SLC25A21: variants seen among roughly 807,000 people sequenced by gnomAD.
The protein encoded by SLC25A21 is mitochondrial 2-oxodicarboxylate carrier.
A neutral mutation model predicts 43.8 loss-of-function variants in SLC25A21; 47 were observed. The observed-to-expected ratio is 1.07, with a 90% CI of 0.85 to 1.37. SLC25A21 has a LOEUF of 1.37. Among genes scored for constraint, SLC25A21 ranks in the 40% most tolerant of loss-of-function variants. The probability of loss-of-function intolerance (pLI) is 0.00; values close to 1 mark genes in which losing one functional copy is unlikely to be tolerated. For missense variants in SLC25A21, 352 were observed against 350.2 expected (o/e 1.00, Z -0.04); for synonymous variants, 131 against 121.3 (o/e 1.08, Z -0.52).
chr14:37,091,075 C>T, intron 1 of SLC25A21, among the ~76,000 whole-genome samples: 1 of 152,160 alleles, frequency 6.6e-6, no homozygotes. Flanking sequence ...GGCACTATAA[C>T]TCAAGCCTGA....
intron 1 of SLC25A21, among the ~76,000 whole-genome samples, chr14:36,915,623 C>T (rs1403808569): frequency 6.6e-6 from 1 of 152,192 alleles, no homozygotes; most frequent in Non-Finnish European, 1.5e-5. Context: ...GATACATGTG[C>T]CTTCCCCCAG....
chr14:37,089,391 C>T (rs1962542639), intron 1 of SLC25A21, among the ~76,000 whole-genome samples: 1 of 152,140 alleles, frequency 6.6e-6, no homozygotes, highest in African/African-American at 2.4e-5. Context: ...AGTTTAAGAC[C>T]ATGTCACCGT....
rs1273554060 is a variant in SLC25A21, at chr14:36,895,409, C to T, written c.71-20405G>A. ...ATATCCCCTTTATCATTTATTATTG[C>T]ATCTATTTGATTCTTCTCTCTTTTC... On this transcript the variant is annotated intron_variant, in intron 1 of 9. Transcript: ENST00000331299. 3.2e-3 allele frequency among the ~76,000 whole-genome samples: 491 copies of T among 152,036 alleles called. 4 individuals carry two copies. The highest frequency in any genetic ancestry group is 0.011 in the African/African-American group (446 of 41,450).
At chr14:36,821,827 C>G (rs1451801342) in intron 2 of SLC25A21, among the ~76,000 whole-genome samples, 1 of 151,988 alleles carries the variant, frequency 6.6e-6, no homozygotes, top group Non-Finnish European at 1.5e-5. Context: ...AAAAACAAAA[C>G]AAAACAAAAC....
At chr14:37,157,819 A>G (rs1048903701) in intron 1 of SLC25A21, among the ~76,000 whole-genome samples, 1 of 152,220 alleles carries the variant, frequency 6.6e-6, no homozygotes, top group Non-Finnish European at 1.5e-5. Flanking sequence ...TATTCAAAGG[A>G]TAAATAAAAT....
intron 1 of SLC25A21, among the ~76,000 whole-genome samples, chr14:37,157,391 T>A (rs1963869916): frequency 6.6e-6 from 1 of 151,978 alleles, no homozygotes; most frequent in African/African-American, 2.4e-5. Context: ...ATATCAAGTA[T>A]CTTCTCAGAC....
At chr14:36,778,991 C>T (rs865894731) in intron 3 of SLC25A21, among the ~76,000 whole-genome samples, 5 of 151,852 alleles carry the variant, frequency 3.3e-5, no homozygotes, top group African/African-American at 9.7e-5. Flanking sequence ...CAATACTAAT[C>T]CCTGCTAGTC....
intron 1 of SLC25A21, among the ~76,000 whole-genome samples, chr14:37,169,769 AATAAAG>A (rs1231548094): frequency 2.0e-5 from 3 of 152,110 alleles, no homozygotes; most frequent in Non-Finnish European, 4.4e-5. Context: ...ACTACAGTGC[AATAAAG>A]ATAAAGTTTT....
At position 36,956,576 on chromosome 14, in the gene SLC25A21, T is replaced by C. The variant is rs752175876; in HGVS notation, c.71-81572A>G. On this transcript the variant is annotated intron_variant, in intron 1 of 9. Transcript: ENST00000331299. ...ATTTGCTCATTCATTCATTCGTTTA[T>C]TTTTTTTGACAAAGAGAGTATTTAT... 4.6e-5 allele frequency among the ~76,000 whole-genome samples: 7 copies of C among 151,916 alleles called. 1 individual carries two copies. The highest frequency in any genetic ancestry group is 1.0e-4 in the Non-Finnish European group (7 of 67,956).
At chr14:36,881,885 A>G (rs1594664927) in intron 1 of SLC25A21, among the ~76,000 whole-genome samples, 1 of 152,330 alleles carries the variant, frequency 6.6e-6, no homozygotes, top group South Asian at 2.1e-4. Flanking sequence ...ACATAATTAA[A>G]GGACAATGTT....
chr14:36,993,629 C>A, intron 1 of SLC25A21, among the ~76,000 whole-genome samples: 1 of 152,152 alleles, frequency 6.6e-6, no homozygotes. Context: ...TGTACCAAAA[C>A]ACAAGGGACA....
intron 1 of SLC25A21, among the ~76,000 whole-genome samples, chr14:37,141,943 T>G (rs1335064184): frequency 6.6e-6 from 1 of 152,172 alleles, no homozygotes; most frequent in Non-Finnish European, 1.5e-5. Flanking sequence ...TGGGTCCAAT[T>G]CCCAGAGGTT....
intron 1 of SLC25A21, among the ~76,000 whole-genome samples, chr14:37,068,941 G>T (rs534005842): frequency 6.6e-6 from 1 of 152,126 alleles, no homozygotes; most frequent in African/African-American, 2.4e-5. Flanking sequence ...TTGGGAGGTC[G>T]AGGCGGGCAG....
chr14:37,047,385 A>G (rs1961608920), intron 1 of SLC25A21, among the ~76,000 whole-genome samples: 1 of 152,210 alleles, frequency 6.6e-6, no homozygotes, highest in Admixed American at 6.5e-5. Context: ...ACTGCTGTGA[A>G]ACCAGACCAA....
At chr14:37,120,797 A>C (rs1018609576) in intron 1 of SLC25A21, among the ~76,000 whole-genome samples, 2 of 152,088 alleles carry the variant, frequency 1.3e-5, no homozygotes, top group African/African-American at 4.8e-5. Context: ...CAATGAGAGA[A>C]AAGTATCCAG....
At chr14:36,732,004 C>T (rs955311201) in intron 4 of SLC25A21, among the ~76,000 whole-genome samples, 1 of 152,024 alleles carries the variant, frequency 6.6e-6, no homozygotes, top group African/African-American at 2.4e-5. Flanking sequence ...CAGGCATTTC[C>T]AGCCTTCATC....
intron 1 of SLC25A21, among the ~76,000 whole-genome samples, chr14:36,885,243 T>C (rs1890880821): frequency 1.3e-5 from 2 of 152,230 alleles, no homozygotes; most frequent in South Asian, 4.1e-4. Flanking sequence ...TGTATGTTCC[T>C]GGCACCTTTG....
chr14:36,922,349 T>A (rs1294306114), intron 1 of SLC25A21, among the ~76,000 whole-genome samples: 1 of 152,034 alleles, frequency 6.6e-6, no homozygotes, highest in African/African-American at 2.4e-5. Context: ...TGCATTCCAA[T>A]TAGAAATTGG....
chr14:36,994,337 G>A (rs17105883), intron 1 of SLC25A21, among the ~76,000 whole-genome samples: 58,032 of 152,048 alleles, frequency 0.38, 12,596 homozygotes, highest in African/African-American at 0.6. Flanking sequence ...ATAGAAAAAG[G>A]GAGGAATCGA....
Sources: gnomAD v4.1 joint callset for allele counts (sites outside exome capture counted in the v4.1 genomes callset) on GRCh38, gnomAD v4.1.1 for gene constraint, MANE v1.5 for transcripts, NCBI Gene and HGNC (gene_info 2026-07-23, HGNC 2026-07-21) for gene names.